The following ENKUR variants were observed in gnomAD, a reference collection of about 807,000 sequenced individuals.
ENKUR encodes the protein enkurin, TRPC channel interacting protein.
ENKUR carries 19 observed loss-of-function variants against 27.6 expected under a neutral mutation model. The observed-to-expected ratio is 0.69, with a 90% CI of 0.48 to 1.01. The LOEUF (loss-of-function observed/expected upper bound fraction) is 1.01, where lower values mean the gene tolerates loss of function less well. ENKUR is among the 50% of genes least tolerant of loss of function. The pLI is 0.00. For missense variants in ENKUR, 312 were observed against 310.5 expected (o/e 1.00, Z -0.04); for synonymous variants, 117 against 96.9 (o/e 1.21, Z -1.22).
At position 24,990,749 on chromosome 10, in the gene ENKUR, A is replaced by G. The variant is rs1849909537; in HGVS notation, c.448-140T>C. On this transcript the variant is annotated intron_variant, in intron 3 of 5. Transcript: ENST00000331161. Reference sequence around the variant, plus strand: ...AAAACCCTGTAAATTGACAAAATTCAGTGACTTTTTTCCCTCCATTGAGAG... The same window carrying G: ...AAAACCCTGTAAATTGACAAAATTCGGTGACTTTTTTCCCTCCATTGAGAG... 3 of 855,200 alleles carry G rather than the reference A, an allele frequency of 3.5e-6. No homozygotes were observed. In the East Asian group the frequency reaches 8.5e-5, roughly 24 times the overall value. 53.0% of individuals were successfully genotyped at this position (855,200 alleles called of 1,614,324 possible).
intron 1 of ENKUR, among the ~76,000 whole-genome samples, chr10:25,008,252 A>C (rs144510281): frequency 5.9e-5 from 9 of 152,254 alleles, no homozygotes; most frequent in African/African-American, 2.2e-4. Context: ...GACAAACAAA[A>C]AGAGACTTTG....
intron 4 of ENKUR, among the ~76,000 whole-genome samples, 200 bp downstream of exon 4, chr10:24,990,263 A>G (rs1849896242): frequency 6.6e-6 from 1 of 152,254 alleles, no homozygotes; most frequent in South Asian, 2.1e-4. Context: ...ATAAAATATT[A>G]TTAAATGAAT....
intron 2 of ENKUR, among the ~76,000 whole-genome samples, chr10:25,050,386 A>G (rs559135134): frequency 1.2e-4 from 19 of 152,326 alleles, no homozygotes; most frequent in South Asian, 1.0e-3. Flanking sequence ...CCACATGGCT[A>G]GGGAGGCCTC....
rs769764120 is a variant in ENKUR, at chr10:24,984,368, TATC to T, written c.770_*1del. 2 of 1,581,320 alleles carry T rather than the reference TATC, an allele frequency of 1.3e-6. No homozygotes were observed. Among genetic ancestry groups the T allele is most frequent in the Non-Finnish European group, 1.7e-6 (2 of 1,170,394 alleles). ...ACAGTTTTCAAAGTTGTGCTGTTGG[TATC>T]ATGCGCTGCAGAAAAAAAAAAAAAA... On this transcript the variant is annotated stop_lost and 3_prime_UTR_variant, in exon 6 of 6. Transcript: ENST00000331161.
intron 2 of ENKUR, among the ~76,000 whole-genome samples, chr10:25,036,806 C>T (rs1851014162): frequency 6.6e-6 from 1 of 152,218 alleles, no homozygotes; most frequent in Non-Finnish European, 1.5e-5. Context: ...TGATCTGCAA[C>T]ATTCCTAATG....
rs1387655405 is a variant in ENKUR, at chr10:24,984,271, A to G, written c.*99T>C. On this transcript the variant is annotated 3_prime_UTR_variant, in exon 6 of 6. Coordinates refer to ENST00000331161, the MANE Select transcript of ENKUR (RefSeq NM_145010.4). ...TACATCTTTTGCATTTGTGGAGCTC[A>G]GAAACAATGTGTTGGAGACAGTTTA... is the stretch of plus-strand genomic sequence containing the variant. The G allele has an allele frequency of 8.9e-6, 12 of 1,347,306 alleles. No homozygotes were observed. The East Asian group carries it at 2.6e-4, about 29-fold the overall frequency. 83.5% of individuals were successfully genotyped at this position (1,347,306 alleles called of 1,614,324 possible).
At chr10:25,023,074 T>C (rs1027676038) in intron 2 of ENKUR, 27 of 737,868 alleles carry the variant, frequency 3.7e-5, no homozygotes, top group Non-Finnish European at 5.4e-5. Flanking sequence ...TTATGTACCA[T>C]GGGCATGGTT....
upstream of ENKUR, among the ~76,000 whole-genome samples, chr10:25,018,339 A>G (rs1276651069): frequency 1.3e-5 from 2 of 152,250 alleles, no homozygotes; most frequent in Non-Finnish European, 2.9e-5. Context: ...TGTCCACCGC[A>G]TGTCCACAGG....
intron 2 of ENKUR, among the ~76,000 whole-genome samples, chr10:25,031,927 G>A (rs1850939546): frequency 6.6e-6 from 1 of 151,734 alleles, no homozygotes. Context: ...TCCCACCTCA[G>A]CCTCCCAAAG....
intron 2 of ENKUR, among the ~76,000 whole-genome samples, chr10:25,056,600 G>T (rs1372291464): frequency 1.3e-5 from 2 of 152,102 alleles, no homozygotes; most frequent in African/African-American, 4.8e-5. Context: ...GTGATTGATG[G>T]GTGTTATTTC....
At chr10:24,997,749 C>T (rs1387165088) in intron 2 of ENKUR, among the ~76,000 whole-genome samples, 2 of 151,248 alleles carry the variant, frequency 1.3e-5, no homozygotes, top group Non-Finnish European at 2.9e-5. Context: ...TTGCTTTTGC[C>T]TTACAATGTT....
At chr10:24,993,731 G>A (rs1423516456) in intron 3 of ENKUR, among the ~76,000 whole-genome samples, 2 of 152,300 alleles carry the variant, frequency 1.3e-5, no homozygotes, top group East Asian at 1.9e-4. Flanking sequence ...GGTGCACAGT[G>A]CTTTCATGGT....
chr10:24,987,161 T>C lies in ENKUR; in HGVS notation c.595-2256A>G, dbSNP rs552468441. On this transcript the variant is annotated intron_variant, in intron 4 of 5. Transcript: ENST00000331161. ...AGTCTAGACATGGGTTCTAGCTGCATTCATCTGTGACTATGACCCTCAGCC... is the reference window on the plus strand; with the variant it reads ...AGTCTAGACATGGGTTCTAGCTGCACTCATCTGTGACTATGACCCTCAGCC... Among the ~76,000 whole-genome samples the C allele has an allele frequency of 8.5e-5, 13 of 152,220 alleles. No homozygotes were observed. The East Asian group carries it at 2.3e-3, about 27-fold the overall frequency.
chr10:25,019,437 G>C (rs185644532), upstream of ENKUR, among the ~76,000 whole-genome samples: 50 of 152,302 alleles, frequency 3.3e-4, no homozygotes, highest in African/African-American at 1.2e-3. Context: ...TTGTGCCACT[G>C]CACTCCTGCC....
intron 2 of ENKUR, among the ~76,000 whole-genome samples, chr10:25,034,844 T>C (rs921124807): frequency 9.2e-5 from 14 of 152,332 alleles, no homozygotes; most frequent in African/African-American, 3.4e-4. Context: ...TGCTGTTGCC[T>C]ACTATGAAGA....
Position 25,034,058 on chromosome 10 carries a change from A to G in ENKUR, c.37+27054T>C, listed in dbSNP as rs1850972087. Among the ~76,000 whole-genome samples, 3 of 152,304 alleles carry G rather than the reference A, an allele frequency of 2.0e-5. No homozygotes were observed. In the South Asian group the frequency reaches 6.2e-4, roughly 32 times the overall value. ...ATTCATGACTAAAGTACATTTCTAC[A>G]TCAGTCACAACCATAGGTTAACTAT... On this transcript the variant is annotated intron_variant, in intron 2 of 5. Transcript: ENST00000615958.
chr10:25,035,568 A>C (rs986089866), intron 2 of ENKUR, among the ~76,000 whole-genome samples: 3 of 151,978 alleles, frequency 2.0e-5, no homozygotes, highest in Admixed American at 6.6e-5. Flanking sequence ...GGAAAAAAAA[A>C]AAAAGTGTAA....
At chr10:25,051,968 A>G (rs1588685600) in intron 2 of ENKUR, among the ~76,000 whole-genome samples, 1 of 152,228 alleles carries the variant, frequency 6.6e-6, no homozygotes, top group Non-Finnish European at 1.5e-5. Flanking sequence ...CAACATATAC[A>G]TTTATAAAAT....
chr10:25,017,317 TTTA>T (rs1303076951), upstream of ENKUR, among the ~76,000 whole-genome samples: 2 of 152,142 alleles, frequency 1.3e-5, no homozygotes, highest in African/African-American at 4.8e-5. Flanking sequence ...AGGAAAGTCA[TTTA>T]GACGCTTTTA....
Sources: gnomAD v4.1 joint callset for allele counts (sites outside exome capture counted in the v4.1 genomes callset) on GRCh38, gnomAD v4.1.1 for gene constraint, MANE v1.5 for transcripts, NCBI Gene and HGNC (gene_info 2026-07-23, HGNC 2026-07-21) for gene names.